C2CD3: variants seen among roughly 807,000 people sequenced by gnomAD.
C2CD3 encodes the protein C2 domain-containing protein 3.
In C2CD3, 148 loss-of-function variants were observed where a neutral mutation model predicts 234.0. The ratio of observed to expected loss-of-function variants is 0.63; its 90% CI spans 0.55 to 0.72. The LOEUF is 0.72. Ranked by LOEUF, C2CD3 falls within the 30% of genes least tolerant of loss-of-function variation. C2CD3 has a pLI of 0.00. For missense variants in C2CD3, 2,577 were observed against 2,811.5 expected (o/e 0.92, Z 1.89); for synonymous variants, 1,000 against 1,035.4 (o/e 0.97, Z 0.66).
At chr11:74,039,444 T>C (rs1167969166) in intron 29 of C2CD3, among the ~76,000 whole-genome samples, 1 of 152,228 alleles carries the variant, frequency 6.6e-6, no homozygotes, top group Non-Finnish European at 1.5e-5. Flanking sequence ...AGCCTAGTTC[T>C]AGGACCAGCT....
In C2CD3 at chr11:74,145,887, A is replaced by T. The variant is rs190456503; in HGVS notation, c.484-6059T>A. Among the ~76,000 whole-genome samples the T allele has an allele frequency of 2.6e-5, 4 of 152,334 alleles. No homozygotes were observed. The East Asian group carries it at 7.7e-4, about 29-fold the overall frequency. On this transcript the variant is annotated intron_variant, in intron 3 of 32. Transcript: ENST00000334126. ...ACATACTGAAGACCACCACCTACCT[A>T]TATGTCCTGAATTGCAATTCTTGCT...
chr11:74,037,764 T>C (rs1565216130), intron 29 of C2CD3, 66 bp from the exon 30 acceptor site: 5 of 1,237,092 alleles, frequency 4.0e-6, no homozygotes, highest in Admixed American at 2.0e-5. Context: ...ATCTCTTATG[T>C]CCCCTGGACA....
At position 74,161,474 on chromosome 11, in the gene C2CD3, T is replaced by C. The variant is rs1856462715; in HGVS notation, c.408A>G (p.Gln136=). 1 of 1,600,170 alleles carries C rather than the reference T, an allele frequency of 6.2e-7. No homozygotes were observed. Among genetic ancestry groups the C allele is most frequent in the Non-Finnish European group, 8.5e-7 (1 of 1,172,116 alleles). ...CATTGATTTGATGGGTTGGAGAAAG[T>C]TGAGCTAGTCCATTGATCTGAACTC... The part of the protein sequence containing the change: ...IGRVQINGLA[Q]LSPTHQINGF... Residue 136 remains glutamine (Q), a synonymous_variant, in exon 3 of 33, where the codon CAA becomes CAG. Coordinates refer to ENST00000334126, the MANE Select transcript of C2CD3 (RefSeq NM_001286577.2).
chr11:74,117,065 TATATATATGA>T (rs1957007342), intron 9 of C2CD3, among the ~76,000 whole-genome samples: 1 of 62,984 alleles, frequency 1.6e-5, no homozygotes, highest in East Asian at 3.9e-4. Flanking sequence ...TATATGAATA[TATATATATGA>T]ATATATATAT....
intron 32 of C2CD3, among the ~76,000 whole-genome samples, chr11:74,019,015 C>T (rs1332686654): frequency 6.6e-6 from 1 of 152,172 alleles, no homozygotes; most frequent in Non-Finnish European, 1.5e-5. Context: ...TTAGTCTATG[C>T]TACGAAGGGG....
At position 74,048,346 on chromosome 11, in the gene C2CD3, C is replaced by T. The variant is rs1294983728; in HGVS notation, c.5362-8G>A. ...GGGACTGTATATTGGGATCTGTAAA[C>T]ACAACAAGAAAAATGGTACACTTGT... is the stretch of plus-strand genomic sequence containing the variant. On this transcript the variant is annotated splice_polypyrimidine_tract_variant and splice_region_variant and intron_variant, in intron 27 of 32. Coordinates refer to ENST00000334126, the MANE Select transcript of C2CD3 (RefSeq NM_001286577.2). The T allele has an allele frequency of 7.4e-6, 12 of 1,612,946 alleles. No homozygotes were observed. The highest frequency in any genetic ancestry group is 1.7e-5 in the Admixed American group (1 of 59,918).
Position 74,078,718 on chromosome 11 carries a change from CT to C in C2CD3, c.4001-2del, listed in dbSNP as rs2135466135. On this transcript the variant is annotated splice_acceptor_variant, in intron 22 of 32. Coordinates refer to ENST00000334126, the MANE Select transcript of C2CD3 (RefSeq NM_001286577.2). LOFTEE classifies it high-confidence loss of function. The stretch of plus-strand genomic sequence containing the variant: ...ATGATAGGATACCATCCTGTGATCC[CT>C]TACGGGAGAAAATAAAGATTCTCAA... 1.3e-6 allele frequency: 2 copies of C among 1,574,700 alleles called. No homozygotes were observed. Among genetic ancestry groups the C allele is most frequent in the Non-Finnish European group, 1.7e-6 (2 of 1,165,202 alleles).
intron 24 of C2CD3, 107 bp from the exon 25 acceptor site, chr11:74,057,651 T>C (rs1954020440): frequency 3.4e-6 from 4 of 1,159,430 alleles, no homozygotes; most frequent in Middle Eastern, 2.1e-4. Flanking sequence ...CTATGGGGTC[T>C]TTGCTCAAGC....
At chr11:74,105,303 C>T (rs983408612) in intron 13 of C2CD3, among the ~76,000 whole-genome samples, 3 of 151,806 alleles carry the variant, frequency 2.0e-5, no homozygotes, top group African/African-American at 7.3e-5. Context: ...CAGAGTCTTG[C>T]TCTGTCGCCC....
rs923174265 is a variant in C2CD3, at chr11:74,033,780, C to T, written c.6380G>A (p.Ser2127Asn). The change falls in exon 31 of 33, where the codon AGT (serine) becomes AAT (asparagine). Residue 2127 changes from serine (S) to asparagine (N), a missense_variant. Transcript: ENST00000334126. ...PFCREELMVK[S>N]SFLSSPERAV... ...CCTTTCTGGGCTGGAGAGAAAGCTA[C>T]TTTTGACCATAAGCTCCTCTCTGCA... 2.0e-6 allele frequency: 3 copies of T among 1,536,238 alleles called. No homozygotes were observed. In the African/African-American group the frequency reaches 4.1e-5, roughly 21 times the overall value.
In C2CD3 at chr11:74,068,715, C is replaced by A. The variant is rs1238641567; in HGVS notation, c.4951+5538G>T. Among the ~76,000 whole-genome samples the A allele has an allele frequency of 2.0e-5, 3 of 152,170 alleles. No homozygotes were observed. In the South Asian group the frequency reaches 6.2e-4, roughly 32 times the overall value. On this transcript the variant is annotated intron_variant, in intron 24 of 32. Transcript: ENST00000334126. ...ATCAGAAATAAGTGCTCTCAAACCACCTTCCACAGTAAAATTCTAATTCTA... is the reference window on the plus strand; with the variant it reads ...ATCAGAAATAAGTGCTCTCAAACCAACTTCCACAGTAAAATTCTAATTCTA...
In C2CD3 at chr11:74,057,321, T is replaced by G. The variant is rs1591354735; in HGVS notation, c.5090+85A>C. ...ATTTTCCAGGTCTGCTCAAAAATTG[T>G]GTTGGTTATAGTCCTTGCTCTGACT... is the stretch of plus-strand genomic sequence containing the variant. On this transcript the variant is annotated intron_variant, in intron 25 of 32. Transcript: ENST00000334126. 7.9e-6 allele frequency: 11 copies of G among 1,399,924 alleles called. No individual in the cohort carries two copies. The East Asian group carries it at 2.5e-4, about 32-fold the overall frequency. The allele number at this position is 1,399,924 out of a possible 1,614,324, so 86.7% of individuals were successfully genotyped here. A position where few individuals can be genotyped will look rare whatever the true frequency, so the allele number is the denominator to read the frequency against.
chr11:74,115,000 C>A (rs1956876320), intron 9 of C2CD3, among the ~76,000 whole-genome samples: 1 of 151,932 alleles, frequency 6.6e-6, no homozygotes, highest in South Asian at 2.1e-4. Flanking sequence ...CCACACCCAG[C>A]CAAGTATCTT....
chr11:74,127,156 C>A (rs1202542575), intron 7 of C2CD3, among the ~76,000 whole-genome samples: 1 of 152,186 alleles, frequency 6.6e-6, no homozygotes, highest in African/African-American at 2.4e-5. Flanking sequence ...CACAGGCATA[C>A]GCCACCACAC....
chr11:74,126,210 G>T (rs147612129), intron 7 of C2CD3, among the ~76,000 whole-genome samples: 8 of 152,290 alleles, frequency 5.3e-5, no homozygotes, highest in Admixed American at 1.3e-4. Context: ...TTTCTGCACT[G>T]AATTCCAAGG....
chr11:74,123,297 T>C (rs959988326), intron 7 of C2CD3, among the ~76,000 whole-genome samples, 162 bp from the exon 8 acceptor site: 1 of 152,234 alleles, frequency 6.6e-6, no homozygotes, highest in African/African-American at 2.4e-5. Context: ...TTCCCAATTA[T>C]ACTACCCCTC....
At chr11:74,123,955 C>T (rs895545297) in intron 7 of C2CD3, among the ~76,000 whole-genome samples, 4 of 152,064 alleles carry the variant, frequency 2.6e-5, no homozygotes, top group African/African-American at 9.7e-5. Context: ...AGGCTGGTCT[C>T]TAACTCCTTA....
At chr11:74,166,525 C>G (rs1328961384) in intron 2 of C2CD3, among the ~76,000 whole-genome samples, 1 of 152,106 alleles carries the variant, frequency 6.6e-6, no homozygotes, top group Non-Finnish European at 1.5e-5. Context: ...AAATGGCTTG[C>G]TCAAAGTCAA....
chr11:74,114,672 G>T, intron 9 of C2CD3, 79 bp from the exon 10 acceptor site: 1 of 907,584 alleles, frequency 1.1e-6, no homozygotes, highest in Non-Finnish European at 1.8e-6. Context: ...CAGGCAAGAT[G>T]AGGAAAAAGG....
Sources: gnomAD v4.1 joint callset for allele counts (sites outside exome capture counted in the v4.1 genomes callset) on GRCh38, gnomAD v4.1.1 for gene constraint, MANE v1.5 for transcripts, NCBI Gene and HGNC (gene_info 2026-07-23, HGNC 2026-07-21) for gene names.